Variants in CCBE1 observed in about 807,000 individuals in gnomAD.
CCBE1 encodes collagen and calcium binding EGF domains 1.
Under a neutral mutation model 50.0 loss-of-function variants are expected in CCBE1, and 37 were observed. The observed-to-expected ratio is 0.74, with a 90% CI of 0.57 to 0.97. The LOEUF (loss-of-function observed/expected upper bound fraction) is 0.97. Among genes scored for constraint, CCBE1 ranks in the 50% least tolerant of loss-of-function variants. The pLI is 0.00. For missense variants in CCBE1, 538 were observed against 523.8 expected (o/e 1.03, Z -0.26); for synonymous variants, 234 against 203.7 (o/e 1.15, Z -1.27).
chr18:59,510,741 A>G (rs1314655510), intron 2 of CCBE1, among the ~76,000 whole-genome samples: 7 of 152,208 alleles, frequency 4.6e-5, no homozygotes, highest in Admixed American at 4.6e-4. Context: ...TTCAACTTTC[A>G]TAAATGCTTC....
chr18:59,494,477 A>G (rs923043395), intron 2 of CCBE1, among the ~76,000 whole-genome samples: 7 of 152,118 alleles, frequency 4.6e-5, no homozygotes, highest in Admixed American at 2.0e-4. Flanking sequence ...CTACTAAAAT[A>G]TTTCAGCCTA....
chr18:59,676,504 C>G (rs188506015), intron 2 of CCBE1, among the ~76,000 whole-genome samples: 2 of 152,240 alleles, frequency 1.3e-5, no homozygotes, highest in Admixed American at 1.3e-4. Context: ...TGGAATAAAA[C>G]TAAGTATAAA....
intron 2 of CCBE1, among the ~76,000 whole-genome samples, chr18:59,591,419 A>G (rs1407729667): frequency 6.6e-6 from 1 of 152,130 alleles, no homozygotes; most frequent in Non-Finnish European, 1.5e-5. Flanking sequence ...GGGAGAAAAT[A>G]TTTGCATCAT....
chr18:59,600,763 C>G (rs921656457), intron 2 of CCBE1, among the ~76,000 whole-genome samples: 2 of 152,180 alleles, frequency 1.3e-5, no homozygotes, highest in African/African-American at 4.8e-5. Context: ...CTCAGCCACT[C>G]CCTCTCTTTC....
Position 59,435,777 on chromosome 18 carries a change from A to T in CCBE1, c.*131T>A. 1 of 840,060 alleles carries T rather than the reference A, an allele frequency of 1.2e-6. No homozygotes were observed. Among genetic ancestry groups the T allele is most frequent in the Non-Finnish European group, 2.1e-6 (1 of 481,954 alleles). 52.0% of individuals were successfully genotyped at this position (840,060 alleles called of 1,614,324 possible). ...ATCGTATTTGGAAGAAGAGGAGTGG[A>T]GAGACGTCAGGAGAAGAGAAGAGAA... On this transcript the variant is annotated 3_prime_UTR_variant, in exon 11 of 11. Coordinates refer to ENST00000439986, the MANE Select transcript of CCBE1 (RefSeq NM_133459.4).
chr18:59,640,313 C>T (rs367623033), intron 2 of CCBE1, among the ~76,000 whole-genome samples: 1 of 152,024 alleles, frequency 6.6e-6, no homozygotes, highest in African/African-American at 2.4e-5. Context: ...AATAGAGAGC[C>T]CTGAAATTAT....
At chr18:59,616,620 C>T (rs889940218) in intron 2 of CCBE1, among the ~76,000 whole-genome samples, 1 of 152,126 alleles carries the variant, frequency 6.6e-6, no homozygotes. Context: ...CAGTCCTGGC[C>T]CTAAGACCCC....
At chr18:59,591,713 A>C (rs1168381447) in intron 2 of CCBE1, among the ~76,000 whole-genome samples, 2 of 152,184 alleles carry the variant, frequency 1.3e-5, no homozygotes, top group Non-Finnish European at 2.9e-5. Context: ...GGGCATACAA[A>C]CTGGTTCAAT....
Position 59,601,010 on chromosome 18 carries a change from G to GTTTTTTTTTTTTTTTTTTTTT in CCBE1, c.212+95598_212+95618dup, listed in dbSNP as rs71177045. On this transcript the variant is annotated intron_variant, in intron 2 of 10. Coordinates refer to ENST00000439986, the MANE Select transcript of CCBE1 (RefSeq NM_133459.4). ...GATCTATTTTATTAGCTATGTGTCA[G>GTTTTTTTTTTTTTTTTTTTTT]TTTTTTTTTTTTTTTTTTTTTTTTT... 1.0e-4 allele frequency among the ~76,000 whole-genome samples: 6 copies of GTTTTTTTTTTTTTTTTTTTTT among 58,014 alleles called. 1 individual carries two copies. The highest frequency in any genetic ancestry group is 1.4e-4 in the Non-Finnish European group (4 of 28,344). 38.1% of individuals were successfully genotyped at this position (58,014 alleles called of 152,430 possible). A position where few individuals can be genotyped will look rare whatever the true frequency, so the allele number is the denominator to read the frequency against.
intron 2 of CCBE1, among the ~76,000 whole-genome samples, chr18:59,572,513 A>G (rs1568212978): frequency 6.6e-6 from 1 of 152,258 alleles, no homozygotes; most frequent in Non-Finnish European, 1.5e-5. Context: ...ATACTTCAAG[A>G]AAATCACTAG....
At position 59,472,595 on chromosome 18, in the gene CCBE1, C is replaced by T. The variant is rs146343071; in HGVS notation, c.266-2988G>A. Among the ~76,000 whole-genome samples the T allele has an allele frequency of 1.3e-4, 20 of 152,310 alleles. No individual in the cohort carries two copies. The East Asian group carries it at 3.1e-3, about 24-fold the overall frequency. Reference sequence around the variant, plus strand: ...GGTCTTGAACTCCTCAAATAATCCTCGTCTCAGCCTCCCAAAGCGCTGGGA... The same window carrying T: ...GGTCTTGAACTCCTCAAATAATCCTTGTCTCAGCCTCCCAAAGCGCTGGGA... On this transcript the variant is annotated intron_variant, in intron 3 of 10. Coordinates refer to ENST00000439986, the MANE Select transcript of CCBE1 (RefSeq NM_133459.4).
At position 59,512,637 on chromosome 18, in the gene CCBE1, G is replaced by A. The variant is rs147892397; in HGVS notation, c.213-32399C>T. On this transcript the variant is annotated intron_variant, in intron 2 of 10. Transcript: ENST00000439986. ...TGTGGTGCTGGCAGGCCCAGGGCAG[G>A]AAAGACCCCATAGTGGGGAGTCTCC... Among the ~76,000 whole-genome samples, 408 of 152,360 alleles carry A rather than the reference G, an allele frequency of 2.7e-3. 2 individuals are homozygous for A. The highest frequency in any genetic ancestry group is 9.4e-3 in the African/African-American group (392 of 41,586).
intron 2 of CCBE1, among the ~76,000 whole-genome samples, chr18:59,592,970 A>G (rs1032464338): frequency 6.6e-6 from 1 of 152,234 alleles, no homozygotes; most frequent in Admixed American, 6.5e-5. Context: ...ATTTTGAATT[A>G]AAAATGGGCA....
At chr18:59,647,346 CA>C (rs1568252322) in intron 2 of CCBE1, among the ~76,000 whole-genome samples, 1 of 152,068 alleles carries the variant, frequency 6.6e-6, no homozygotes, top group Admixed American at 6.5e-5. Context: ...AATATGTACC[CA>C]CAGGATCTCA....
chr18:59,490,167 T>C (rs1913028726), intron 2 of CCBE1, among the ~76,000 whole-genome samples: 1 of 152,042 alleles, frequency 6.6e-6, no homozygotes. Flanking sequence ...GTATTTTTAG[T>C]AGAGACGGGG....
chr18:59,530,449 A>G lies in CCBE1; in HGVS notation c.213-50211T>C, dbSNP rs186795462. ...TTGGTCACATCACTGCTTTTCTGAC[A>G]TTTTTACACTCTCCTCCTGCCTTCT... is the stretch of plus-strand genomic sequence containing the variant. On this transcript the variant is annotated intron_variant, in intron 2 of 10. Coordinates refer to ENST00000439986, the MANE Select transcript of CCBE1 (RefSeq NM_133459.4). Among the ~76,000 whole-genome samples the G allele has an allele frequency of 1.1e-4, 17 of 152,234 alleles. No individual in the cohort carries two copies. In the East Asian group the frequency reaches 2.9e-3, roughly 26 times the overall value.
chr18:59,556,741 G>A (rs984576371), intron 2 of CCBE1, among the ~76,000 whole-genome samples: 11 of 152,184 alleles, frequency 7.2e-5, no homozygotes, highest in African/African-American at 2.4e-4. Context: ...CCCACACTGA[G>A]GTTTTTTGTT....
intron 2 of CCBE1, among the ~76,000 whole-genome samples, chr18:59,677,568 G>A (rs148873133): frequency 6.6e-6 from 1 of 152,038 alleles, no homozygotes; most frequent in African/African-American, 2.4e-5. Context: ...AATAAATCAG[G>A]AAAGAGGAAA....
chr18:59,578,702 CACTGA>C (rs201096004), intron 2 of CCBE1, among the ~76,000 whole-genome samples: 26,051 of 151,976 alleles, frequency 0.17, 3,355 homozygotes, highest in African/African-American at 0.37. Context: ...AACAGAAAAC[CACTGA>C]AAACACTGCA....
Sources: allele counts gnomAD v4.1 joint callset (sites outside exome capture counted in the v4.1 genomes callset), GRCh38; gene constraint gnomAD v4.1.1; transcripts MANE v1.5; gene names NCBI Gene and HGNC (gene_info 2026-07-23, HGNC 2026-07-21).